SLC36A3: variants seen among roughly 807,000 people sequenced by gnomAD.
SLC36A3 encodes the protein solute carrier family 36 member 3, also known as proton-coupled amino acid transporter 3.
SLC36A3 carries 35 observed loss-of-function variants against 44.3 expected under a neutral mutation model. That is an observed-to-expected ratio of 0.79 (90% CI 0.60 to 1.05). The LOEUF is 1.05. Ranked by LOEUF, SLC36A3 falls within the 50% of genes least tolerant of loss-of-function variation. The probability of loss-of-function intolerance (pLI) is 0.00; values close to 1 mark genes in which losing one functional copy is unlikely to be tolerated. For missense variants in SLC36A3, 540 were observed against 578.7 expected, an observed-to-expected ratio of 0.93 and a Z score of 0.69; for synonymous variants, 211 against 227.6, an observed-to-expected ratio of 0.93 and a Z score of 0.66.
chr5:151,285,977 T>C (rs1244391260), intron 6 of SLC36A3, among the ~76,000 whole-genome samples: 2 of 152,078 alleles, frequency 1.3e-5, no homozygotes, highest in Non-Finnish European at 2.9e-5. Context: ...TTTGTGTTTT[T>C]TCAAGCCACT....
At chr5:151,295,580 C>T (rs532201858) in intron 3 of SLC36A3, among the ~76,000 whole-genome samples, 1 of 152,244 alleles carries the variant, frequency 6.6e-6, no homozygotes, top group East Asian at 1.9e-4. Context: ...GTTTTGCATG[C>T]CTTGGGAGTA....
At chr5:151,300,419 G>T (rs185752407) in intron 1 of SLC36A3, among the ~76,000 whole-genome samples, 2 of 151,394 alleles carry the variant, frequency 1.3e-5, no homozygotes, top group Middle Eastern at 3.4e-3. Context: ...ACCTAAGGAT[G>T]GGGGGGTGGG....
At position 151,284,748 on chromosome 5, in the gene SLC36A3, T is replaced by C. The variant is rs190875954; in HGVS notation, c.709-37A>G. Reference sequence around the variant, plus strand: ...TGGGAGAAGCACATTGGTGTTGTTATGGTGTCGAAGTCATCCCAAATCTTT... The same window carrying C: ...TGGGAGAAGCACATTGGTGTTGTTACGGTGTCGAAGTCATCCCAAATCTTT... On this transcript the variant is annotated intron_variant, in intron 6 of 9. Transcript: ENST00000335230. 5,548 of 1,551,732 alleles carry C rather than the reference T, an allele frequency of 3.6e-3. 20 individuals are homozygous for C. Among genetic ancestry groups the C allele is most frequent in the Non-Finnish European group, 4.5e-3 (5,112 of 1,130,018 alleles).
At position 151,277,302 on chromosome 5, in the gene SLC36A3, A is replaced by G. The variant is rs1754122862; in HGVS notation, c.*91T>C. 1 of 1,484,898 alleles carries G rather than the reference A, an allele frequency of 6.7e-7. No individual in the cohort carries two copies. The highest frequency in any genetic ancestry group is 1.4e-5 in the African/African-American group (1 of 71,384). 92.0% of individuals were successfully genotyped at this position (1,484,898 alleles called of 1,614,324 possible). A position where few individuals can be genotyped will look rare whatever the true frequency, so the allele number is the denominator to read the frequency against. On this transcript the variant is annotated 3_prime_UTR_variant, in exon 10 of 10. Coordinates refer to ENST00000335230, the MANE Select transcript of SLC36A3 (RefSeq NM_181774.4). Reference sequence around the variant, plus strand: ...AAAGACGCCACTAATTAATATAGAGATGTTGGGATTTGATGAAGGTATATA... The same window carrying G: ...AAAGACGCCACTAATTAATATAGAGGTGTTGGGATTTGATGAAGGTATATA...
rs746505307 is a variant in SLC36A3, at chr5:151,298,613, T to A, written c.199A>T (p.Ile67Leu). Reference sequence around the variant, plus strand: ...CTTACCAACAAGCCGGCATTCTTTATGGCCAGGGGAAGCCCCAGGAGCCCT... The same window carrying A: ...CTTACCAACAAGCCGGCATTCTTTAAGGCCAGGGGAAGCCCCAGGAGCCCT... ...GTGLLGLPLA[I>L]KNAGLLVGPV... The change falls in exon 2 of 10, where the codon ATA becomes TTA. Residue 67 changes from isoleucine (I) to leucine (L), a missense_variant. Coordinates refer to ENST00000335230, the MANE Select transcript of SLC36A3 (RefSeq NM_181774.4). 6.2e-6 allele frequency: 10 copies of A among 1,614,206 alleles called. No individual in the cohort carries two copies. Among genetic ancestry groups the A allele is most frequent in the Non-Finnish European group, 8.5e-6 (10 of 1,180,024 alleles).
intron 4 of SLC36A3, among the ~76,000 whole-genome samples, chr5:151,290,124 G>A (rs1754702451): frequency 6.6e-6 from 1 of 152,036 alleles, no homozygotes; most frequent in South Asian, 2.1e-4. Context: ...CTTATACTCT[G>A]TTATTGCCAT....
intron 2 of SLC36A3, chr5:151,296,763 C>T (rs539441899): frequency 1.6e-3 from 254 of 158,076 alleles, no homozygotes; most frequent in South Asian, 9.1e-3. Flanking sequence ...GCAGCTTTCC[C>T]GAGCCTCTAC....
rs564132411 is a variant in SLC36A3 at position 151,277,327 on chromosome 5, A to G, written c.*66T>C. 5.7e-6 allele frequency: 9 copies of G among 1,578,622 alleles called. No individual in the cohort carries two copies. The highest frequency in any genetic ancestry group is 6.9e-6 in the Non-Finnish European group (8 of 1,153,956). On this transcript the variant is annotated 3_prime_UTR_variant, in exon 10 of 10. Transcript: ENST00000335230. ...ATGTTGGGATTTGATGAAGGTATAT[A>G]ACATCCACATGGAAGTCAAACTGGG...
Position 151,277,205 on chromosome 5 carries a change from T to C in SLC36A3, c.*188A>G. The C allele has an allele frequency of 1.3e-6, 1 of 778,144 alleles. No individual in the cohort carries two copies. Among genetic ancestry groups the C allele is most frequent in the Non-Finnish European group, 2.0e-6 (1 of 509,664 alleles). 48.2% of individuals were successfully genotyped at this position (778,144 alleles called of 1,614,324 possible). On this transcript the variant is annotated 3_prime_UTR_variant, in exon 10 of 10. Coordinates refer to ENST00000335230, the MANE Select transcript of SLC36A3 (RefSeq NM_181774.4). ...GGTACAAAAGGCCATCCAAAAAATA[T>C]AAAACCAAAAGAGGTGTAGCCTGAG...
intron 9 of SLC36A3, among the ~76,000 whole-genome samples, chr5:151,277,956 C>T (rs970219928): frequency 1.3e-5 from 2 of 152,148 alleles, no homozygotes; most frequent in African/African-American, 4.8e-5. Flanking sequence ...AAATCTAGAG[C>T]TCTAGAAGGA....
chr5:151,288,727 A>G (rs887804324), intron 4 of SLC36A3, among the ~76,000 whole-genome samples: 7 of 151,464 alleles, frequency 4.6e-5, no homozygotes, highest in Admixed American at 2.0e-4. Context: ...ATATATGTAT[A>G]TATAGACGAA....
At chr5:151,291,626 T>A (rs1754760619) in intron 4 of SLC36A3, among the ~76,000 whole-genome samples, 1 of 152,198 alleles carries the variant, frequency 6.6e-6, no homozygotes, top group Admixed American at 6.5e-5. Context: ...AATGGAGGTT[T>A]CAAATTTATT....
chr5:151,288,149 G>C (rs1450790648), intron 5 of SLC36A3, among the ~76,000 whole-genome samples: 1 of 152,162 alleles, frequency 6.6e-6, no homozygotes, highest in East Asian at 1.9e-4. Context: ...ATTTCTGACT[G>C]GACATGATTG....
chr5:151,300,530 T>C (rs2127274396), intron 1 of SLC36A3, among the ~76,000 whole-genome samples: 1 of 152,310 alleles, frequency 6.6e-6, no homozygotes, highest in South Asian at 2.1e-4. Flanking sequence ...GTGGTCCCAT[T>C]TCCCACCCTC....
chr5:151,290,002 A>G (rs547021023), intron 4 of SLC36A3, among the ~76,000 whole-genome samples: 1 of 152,238 alleles, frequency 6.6e-6, no homozygotes, highest in South Asian at 2.1e-4. Flanking sequence ...TTCTAAGTCT[A>G]TGTATCATTT....
intron 8 of SLC36A3, among the ~76,000 whole-genome samples, chr5:151,283,566 T>C (rs2127256622): frequency 6.6e-6 from 1 of 152,318 alleles, no homozygotes; most frequent in East Asian, 1.9e-4. Flanking sequence ...GTCATTATCA[T>C]AACACAGCAA....
At chr5:151,298,544 C>G (rs576348866) in intron 2 of SLC36A3, 49 bp downstream of exon 2, 11 of 1,587,646 alleles carry the variant, frequency 6.9e-6, no homozygotes, top group South Asian at 1.1e-5. Context: ...CCTATCACCC[C>G]CTTCTGCAAA....
rs928689652 is a variant in SLC36A3, at chr5:151,277,782, T to C, written c.1145-121A>G. On this transcript the variant is annotated intron_variant, in intron 9 of 9. Transcript: ENST00000335230. Reference sequence around the variant, plus strand: ...TTTGGAGAGGTGGGAGGGAGCCTACTGCAGGCTTGGGGAGGTCAGGCAACT... The same window carrying C: ...TTTGGAGAGGTGGGAGGGAGCCTACCGCAGGCTTGGGGAGGTCAGGCAACT... 8.5e-6 allele frequency: 11 copies of C among 1,297,234 alleles called. No individual in the cohort carries two copies. The African/African-American group carries it at 1.5e-4, about 17-fold the overall frequency. 80.4% of individuals were successfully genotyped at this position (1,297,234 alleles called of 1,614,324 possible).
At chr5:151,296,413 C>T in intron 2 of SLC36A3, 145 bp from the exon 3 acceptor site, 1 of 676,600 alleles carries the variant, frequency 1.5e-6, no homozygotes, top group African/African-American at 1.8e-5. Flanking sequence ...CTCATGCTCC[C>T]AGATGCTAGA....
Sources: allele counts gnomAD v4.1 joint callset (sites outside exome capture counted in the v4.1 genomes callset), GRCh38; gene constraint gnomAD v4.1.1; transcripts MANE v1.5; gene names NCBI Gene and HGNC (gene_info 2026-07-23, HGNC 2026-07-21).